The following RABGEF1 variants were observed in gnomAD, a reference collection of about 807,000 sequenced individuals.
RABGEF1 encodes the protein rab5 GDP/GTP exchange factor.
Under a neutral mutation model 57.3 loss-of-function variants are expected in RABGEF1, and 26 were observed. The observed-to-expected ratio is 0.45, with a 90% CI of 0.33 to 0.63. The LOEUF is 0.63. RABGEF1 is among the 20% of genes least tolerant of loss of function. The probability of loss-of-function intolerance (pLI) is 0.02; values close to 1 mark genes in which losing one functional copy is unlikely to be tolerated. For synonymous variants in RABGEF1, 185 were observed against 210.7 expected (o/e 0.88, Z 1.06); for missense variants, 464 against 607.6 (o/e 0.76, Z 2.48).
chr7:66,718,494 A>ATTTG (rs1193223944), intron 2 of RABGEF1, among the ~76,000 whole-genome samples: 5 of 151,972 alleles, frequency 3.3e-5, no homozygotes, highest in African/African-American at 1.2e-4. Context: ...ATATTGGATA[A>ATTTG]TTTTGAATTG....
At chr7:66,712,334 T>C (rs1050568250) in intron 2 of RABGEF1, 1 of 152,240 alleles carries the variant, frequency 6.6e-6, no homozygotes, top group African/African-American at 2.4e-5. Context: ...ATGTACTTCG[T>C]TGTTTTGGTG....
At chr7:66,682,504 C>G (rs539790860) in intron 1 of RABGEF1, among the ~76,000 whole-genome samples, 158 of 152,350 alleles carry the variant, frequency 1.0e-3, no homozygotes, top group African/African-American at 3.5e-3. Context: ...GCATCTCCAG[C>G]GCCCGGCCGT....
intron 4 of RABGEF1, among the ~76,000 whole-genome samples, chr7:66,794,732 G>A (rs1813601799): frequency 6.6e-6 from 1 of 152,124 alleles, no homozygotes; most frequent in Non-Finnish European, 1.5e-5. Context: ...TTTTGGAAAT[G>A]TATGACAGAG....
At chr7:66,742,729 C>T (rs1334551073) in intron 1 of RABGEF1, among the ~76,000 whole-genome samples, 1 of 152,134 alleles carries the variant, frequency 6.6e-6, no homozygotes, top group Non-Finnish European at 1.5e-5. Context: ...ACCTCAGCCT[C>T]CCGAGTAGCT....
At chr7:66,729,558 C>T (rs1417667700) in intron 2 of RABGEF1, among the ~76,000 whole-genome samples, 3 of 151,542 alleles carry the variant, frequency 2.0e-5, no homozygotes, top group African/African-American at 7.3e-5. Flanking sequence ...TCACCTTCAT[C>T]CTTACTTCTG....
chr7:66,721,431 G>C (rs918853729), intron 2 of RABGEF1, among the ~76,000 whole-genome samples: 1 of 152,092 alleles, frequency 6.6e-6, no homozygotes, highest in African/African-American at 2.4e-5. Context: ...GAGGCTCTTG[G>C]GGGAGATGCT....
At chr7:66,674,814 A>G in the RABGEF1 span, among the ~76,000 whole-genome samples, 1 of 152,176 alleles carries the variant, frequency 6.6e-6, no homozygotes, top group South Asian at 2.1e-4. Flanking sequence ...CTGGGAAGTG[A>G]CATGAGGAAC....
the RABGEF1 span, among the ~76,000 whole-genome samples, chr7:66,667,187 G>A: frequency 6.6e-6 from 1 of 152,218 alleles, no homozygotes; most frequent in Admixed American, 6.5e-5. Context: ...CCTGAGCCCG[G>A]GGATCAGGAA....
chr7:66,709,820 G>A (rs2117369804), intron 1 of RABGEF1, among the ~76,000 whole-genome samples: 1 of 152,160 alleles, frequency 6.6e-6, no homozygotes, highest in East Asian at 1.9e-4. Context: ...AGTTAAATCA[G>A]GTCATTGATT....
chr7:66,809,201 C>G lies in RABGEF1; in HGVS notation c.1393C>G (p.Gln465Glu), dbSNP rs1176926995. 3 of 1,614,192 alleles carry G rather than the reference C, an allele frequency of 1.9e-6. No individual in the cohort carries two copies. Residue 465 changes from glutamine (Q) to glutamate (E), a missense_variant, in exon 9 of 9, where the codon CAA (glutamine) becomes GAA (glutamate). Transcript: ENST00000284957. ...CCCACTGGAAATTAAGCCTCCGAAT[C>G]AACCGTTAGCAGCTATTGACTCTGA... is the stretch of plus-strand genomic sequence containing the variant. Reference protein sequence around the residue: ...KYPLEIKPPNQPLAAIDSENV... With the variant: ...KYPLEIKPPNEPLAAIDSENV...
intron 2 of RABGEF1, among the ~76,000 whole-genome samples, chr7:66,772,737 C>A (rs1807454789): frequency 6.6e-6 from 1 of 151,740 alleles, no homozygotes; most frequent in Admixed American, 6.6e-5. Context: ...GGTGAAACCC[C>A]CTCTCTACTA....
At chr7:66,706,952 T>G (rs1794193395) in intron 1 of RABGEF1, among the ~76,000 whole-genome samples, 1 of 150,864 alleles carries the variant, frequency 6.6e-6, no homozygotes, top group Non-Finnish European at 1.5e-5. Flanking sequence ...TGGCTAATTT[T>G]TTTTTGGTAT....
chr7:66,695,415 C>T (rs922960108), intron 1 of RABGEF1, among the ~76,000 whole-genome samples: 5 of 152,122 alleles, frequency 3.3e-5, no homozygotes, highest in African/African-American at 7.2e-5. Context: ...GGAAGAGAGG[C>T]AGGAAGAGAG....
chr7:66,796,228 A>G (rs528291762), intron 5 of RABGEF1, among the ~76,000 whole-genome samples: 2 of 148,734 alleles, frequency 1.3e-5, no homozygotes, highest in African/African-American at 4.9e-5. Flanking sequence ...GAGTTATTGT[A>G]TTAATAGTTT....
upstream of RABGEF1, chr7:66,740,479 G>A (rs1441557322): frequency 1.3e-5 from 2 of 152,236 alleles, no homozygotes; most frequent in Non-Finnish European, 2.9e-5. Context: ...GACAGACTAG[G>A]AAACGCCGGT....
At chr7:66,656,820 C>CA in the RABGEF1 span, among the ~76,000 whole-genome samples, 1,041 of 73,666 alleles carry the variant, frequency 0.014, 13 homozygotes, top group East Asian at 0.021. Context: ...AACTGCATCT[C>CA]AAAAAAAAAA....
At chr7:66,799,639 A>T (rs538246822) in intron 7 of RABGEF1, among the ~76,000 whole-genome samples, 1 of 152,328 alleles carries the variant, frequency 6.6e-6, no homozygotes, top group African/African-American at 2.4e-5. Flanking sequence ...CTTGGGCATT[A>T]AACTAAACTA....
chr7:66,797,406 C>A lies in RABGEF1; in HGVS notation c.628C>A (p.Gln210Lys). The A allele has an allele frequency of 6.2e-7, 1 of 1,610,856 alleles. No individual in the cohort carries two copies. Among genetic ancestry groups the A allele is most frequent in the South Asian group, 1.1e-5 (1 of 90,752 alleles). ...AGAAAGAGTCGAGAAGATAATGGAT[C>A]AGATTGAAAAGTACATCATGACTCG... ...PPERVEKIMD[Q>K]IEKYIMTRLY... The change falls in exon 6 of 9, where the codon CAG (glutamine) becomes AAG (lysine). Residue 210 changes from glutamine to lysine, a missense_variant. Physicochemically the swap from Gln to Lys is moderately conservative, Grantham distance 53. Transcript: ENST00000284957.
upstream of RABGEF1, among the ~76,000 whole-genome samples, chr7:66,737,059 AGAGAGAGAGAGAGT>A (rs941035356): frequency 7.5e-5 from 10 of 132,800 alleles, no homozygotes; most frequent in Admixed American, 1.6e-4. Flanking sequence ...GGGGAGAGAG[AGAGAGAGAGAGAGT>A]GAGAGAGAGA....
Sources: allele counts gnomAD v4.1 joint callset (sites outside exome capture counted in the v4.1 genomes callset), GRCh38; gene constraint gnomAD v4.1.1; transcripts MANE v1.5; gene names NCBI Gene and HGNC (gene_info 2026-07-23, HGNC 2026-07-21).